The following SLA variants were observed in gnomAD, a reference collection of about 807,000 sequenced individuals.
The protein encoded by SLA is src-like-adapter.
A neutral mutation model predicts 30.3 loss-of-function variants in SLA; 16 were observed. The observed-to-expected ratio is 0.53, with a 90% CI of 0.36 to 0.80. SLA has a LOEUF of 0.80. Ranked by LOEUF, SLA falls within the 30% of genes least tolerant of loss-of-function variation. The probability of loss-of-function intolerance (pLI) is 0.01; values close to 1 mark genes in which losing one functional copy is unlikely to be tolerated. For synonymous variants in SLA, 143 were observed against 137.8 expected, an observed-to-expected ratio of 1.04 and a Z score of -0.26; for missense variants, 310 against 345.2, an observed-to-expected ratio of 0.90 and a Z score of 0.81.
intron 6 of SLA, 75 bp downstream of exon 6, chr8:133,047,755 C>T (rs753422940): frequency 1.4e-5 from 12 of 842,816 alleles, no homozygotes; most frequent in South Asian, 8.0e-5. Context: ...AAAATGAAGC[C>T]GTGTAATGAG....
At chr8:133,084,996 C>T (rs779031898) in intron 1 of SLA, among the ~76,000 whole-genome samples, 3 of 152,244 alleles carry the variant, frequency 2.0e-5, no homozygotes, top group Non-Finnish European at 2.9e-5. Context: ...GAGCCTCACT[C>T]TTTAATAAAA....
At chr8:133,067,151 C>T (rs1274706859) in intron 2 of SLA, among the ~76,000 whole-genome samples, 1 of 152,130 alleles carries the variant, frequency 6.6e-6, no homozygotes, top group African/African-American at 2.4e-5. Flanking sequence ...TTTCCGGGGT[C>T]ACCCACCACA....
At chr8:133,047,397 C>T (rs1042749992) in intron 6 of SLA, 2 of 179,184 alleles carry the variant, frequency 1.1e-5, no homozygotes, top group African/African-American at 4.8e-5. Flanking sequence ...TTGAATCTCA[C>T]CACACCCTTA....
intron 1 of SLA, among the ~76,000 whole-genome samples, chr8:133,080,200 G>T (rs1184875492): frequency 6.6e-6 from 1 of 152,178 alleles, no homozygotes; most frequent in African/African-American, 2.4e-5. Flanking sequence ...ACAAAAGTTT[G>T]GGGCTGGAAA....
chr8:133,086,564 A>G (rs1846598053), intron 1 of SLA, among the ~76,000 whole-genome samples: 1 of 152,168 alleles, frequency 6.6e-6, no homozygotes, highest in African/African-American at 2.4e-5. Context: ...AAAAAACTAT[A>G]CCTTTTGACT....
At chr8:133,088,474 T>C (rs1276426590) in intron 1 of SLA, among the ~76,000 whole-genome samples, 3 of 152,156 alleles carry the variant, frequency 2.0e-5, no homozygotes, top group African/African-American at 4.8e-5. Flanking sequence ...TTGGAAAAAT[T>C]ACCTACCCAC....
chr8:133,050,337 T>C (rs1270607502), intron 4 of SLA: 4 of 315,924 alleles, frequency 1.3e-5, no homozygotes, highest in African/African-American at 8.4e-5. Flanking sequence ...GATAGTTTCA[T>C]ATATCTGAAT....
Position 133,087,467 on chromosome 8 carries a change from C to G in SLA, c.-318-12337G>C, listed in dbSNP as rs1846777682. 2.0e-5 allele frequency among the ~76,000 whole-genome samples: 3 copies of G among 152,304 alleles called. No individual in the cohort carries two copies. In the South Asian group the frequency reaches 6.2e-4, roughly 32 times the overall value. On this transcript the variant is annotated intron_variant, in intron 1 of 8. Coordinates refer to ENST00000338087, the MANE Select transcript of SLA (RefSeq NM_001045556.3). ...GTGAGGGGACTCATTTCTCTCCCACCTCTTATTGTCCCTGCAAAGGTTTTC... is the reference window on the plus strand; with the variant it reads ...GTGAGGGGACTCATTTCTCTCCCACGTCTTATTGTCCCTGCAAAGGTTTTC...
chr8:133,060,506 G>A (rs906959500), intron 2 of SLA: 1 of 719,958 alleles, frequency 1.4e-6, no homozygotes, highest in Non-Finnish European at 2.1e-6. Context: ...GGGTTTGTGT[G>A]AGAAACCAAG....
Position 133,047,944 on chromosome 8 carries a change from G to A in SLA, c.249-11C>T, listed in dbSNP as rs370998507. 106 of 1,554,470 alleles carry A rather than the reference G, an allele frequency of 6.8e-5. No homozygotes were observed. In the African/African-American group the frequency reaches 1.2e-3, roughly 18 times the overall value. Reference sequence around the variant, plus strand: ...CCCTCAAACAGCCAGCTGGGAAGGAGGAAGACAGCCATTAGGATCCGGAAC... The same window carrying A: ...CCCTCAAACAGCCAGCTGGGAAGGAAGAAGACAGCCATTAGGATCCGGAAC... On this transcript the variant is annotated splice_polypyrimidine_tract_variant and intron_variant, in intron 5 of 8. Transcript: ENST00000338087.
At chr8:133,049,343 A>G (rs1305360826) in intron 5 of SLA, 3 of 336,618 alleles carry the variant, frequency 8.9e-6, no homozygotes, top group Non-Finnish European at 1.8e-5. Context: ...GAATAGAGCT[A>G]ATATTTATCG....
At chr8:133,055,418 T>C (rs1564126719) in intron 3 of SLA, among the ~76,000 whole-genome samples, 1 of 149,220 alleles carries the variant, frequency 6.7e-6, no homozygotes, top group African/African-American at 2.5e-5. Flanking sequence ...GGATTATACA[T>C]GCAACTAACC....
At chr8:133,081,615 A>T (rs1235635629) in intron 1 of SLA, among the ~76,000 whole-genome samples, 1 of 152,172 alleles carries the variant, frequency 6.6e-6, no homozygotes, top group Non-Finnish European at 1.5e-5. Context: ...CTTTATGTCC[A>T]CCACAACTGT....
intron 1 of SLA, chr8:133,095,325 C>T (rs1848241376): frequency 2.1e-6 from 3 of 1,401,422 alleles, no homozygotes; most frequent in Non-Finnish European, 3.0e-6. Flanking sequence ...AGGCTGATGA[C>T]CAACTGGAGC....
intron 1 of SLA, among the ~76,000 whole-genome samples, chr8:133,079,808 A>C (rs1564163149): frequency 1.3e-5 from 2 of 152,172 alleles, no homozygotes; most frequent in Non-Finnish European, 1.5e-5. Flanking sequence ...AGAGAAGTTC[A>C]ATACCACTTA....
intron 1 of SLA, among the ~76,000 whole-genome samples, chr8:133,078,960 A>C (rs369946572): frequency 6.6e-6 from 1 of 152,142 alleles, no homozygotes; most frequent in Admixed American, 6.5e-5. Context: ...GGAGGGGGCC[A>C]GTAGAGGAGA....
At position 133,085,621 on chromosome 8, in the gene SLA, G is replaced by A. The variant is rs556680691; in HGVS notation, c.-318-10491C>T. Reference sequence around the variant, plus strand: ...TAGCAAAAGATTCTTAACACTATTAGTCAGTCATCAGAGAAGTGAAAATTA... The same window carrying A: ...TAGCAAAAGATTCTTAACACTATTAATCAGTCATCAGAGAAGTGAAAATTA... On this transcript the variant is annotated intron_variant, in intron 1 of 8. Transcript: ENST00000338087. 1.1e-4 allele frequency among the ~76,000 whole-genome samples: 16 copies of A among 152,216 alleles called. No individual in the cohort carries two copies. The East Asian group carries it at 2.9e-3, about 28-fold the overall frequency.
chr8:133,056,674 T>C (rs1467451646), intron 3 of SLA, among the ~76,000 whole-genome samples: 1 of 152,206 alleles, frequency 6.6e-6, no homozygotes, highest in Non-Finnish European at 1.5e-5. Context: ...AGAAGCCTCG[T>C]GGGGCTGTGA....
intron 1 of SLA, among the ~76,000 whole-genome samples, chr8:133,099,275 C>T (rs991993447): frequency 6.6e-6 from 1 of 152,224 alleles, no homozygotes; most frequent in Non-Finnish European, 1.5e-5. Flanking sequence ...TTAGACCGTT[C>T]GTTTCTGGCT....
Sources: gnomAD v4.1 joint callset for allele counts (sites outside exome capture counted in the v4.1 genomes callset) on GRCh38, gnomAD v4.1.1 for gene constraint, MANE v1.5 for transcripts, NCBI Gene and HGNC (gene_info 2026-07-23, HGNC 2026-07-21) for gene names.